TTC17: variants seen among roughly 807,000 people sequenced by gnomAD.
The protein encoded by TTC17 is tetratricopeptide repeat protein 17.
In TTC17, 58 loss-of-function variants were observed where a neutral mutation model predicts 143.8. The ratio of observed to expected loss-of-function variants is 0.40; its 90% CI spans 0.33 to 0.50. The LOEUF (loss-of-function observed/expected upper bound fraction) is 0.50. Ranked by LOEUF, TTC17 falls within the 20% of genes least tolerant of loss-of-function variation. The pLI, the probability that TTC17 is intolerant of heterozygous loss-of-function variation, is 0.49. For missense variants in TTC17, 1,273 were observed against 1,392.5 expected, an observed-to-expected ratio of 0.91 and a Z score of 1.37; for synonymous variants, 501 against 497.8, an observed-to-expected ratio of 1.01 and a Z score of -0.09.
chr11:43,361,677 C>G (rs1423059945), intron 1 of TTC17, among the ~76,000 whole-genome samples: 2 of 152,192 alleles, frequency 1.3e-5, no homozygotes, highest in African/African-American at 4.8e-5. Flanking sequence ...GTTGAACCAT[C>G]GAAAGGTGGG....
intron 2 of TTC17, among the ~76,000 whole-genome samples, chr11:43,381,017 T>C (rs1856947052): frequency 1.3e-5 from 2 of 152,180 alleles, no homozygotes; most frequent in African/African-American, 2.4e-5. Flanking sequence ...TGTTTATTGC[T>C]ATCTTTTTAG....
At position 43,450,071 on chromosome 11, in the gene TTC17, C is replaced by T; in HGVS notation, c.2787-11C>T. The T allele has an allele frequency of 6.2e-7, 1 of 1,611,388 alleles. No homozygotes were observed. Among genetic ancestry groups the T allele is most frequent in the Non-Finnish European group, 8.5e-7 (1 of 1,178,712 alleles). On this transcript the variant is annotated splice_polypyrimidine_tract_variant and intron_variant, in intron 19 of 23. Transcript: ENST00000039989. ...TTTCCCATAGCTAATGTGGTAATCT[C>T]CATTTTTCAGCATCACAGAACACAT...
intron 1 of TTC17, among the ~76,000 whole-genome samples, chr11:43,359,471 C>G (rs1856006831): frequency 6.6e-6 from 1 of 152,186 alleles, no homozygotes; most frequent in South Asian, 2.1e-4. Context: ...CTCGGGTTCA[C>G]GCGTCACCGG....
At chr11:43,456,571 G>T (rs1334362035) in intron 21 of TTC17, among the ~76,000 whole-genome samples, 2 of 152,148 alleles carry the variant, frequency 1.3e-5, no homozygotes, top group Admixed American at 6.5e-5. Context: ...TGTTTTTAAA[G>T]CTATCACAAA....
At chr11:43,391,365 C>T in intron 3 of TTC17, 100 bp from the exon 4 acceptor site, 1 of 797,516 alleles carries the variant, frequency 1.3e-6, no homozygotes, top group South Asian at 1.6e-5. Context: ...TGCCACTGCA[C>T]TCCAGCCTGG....
chr11:43,416,038 A>G (rs1341665334), intron 16 of TTC17, among the ~76,000 whole-genome samples: 7 of 152,160 alleles, frequency 4.6e-5, no homozygotes, highest in African/African-American at 1.7e-4. Flanking sequence ...CATTGTTCTT[A>G]CCATATAGTA....
intron 21 of TTC17, chr11:43,466,535 C>T (rs144209908): frequency 1.4e-5 from 3 of 215,508 alleles, no homozygotes; most frequent in African/African-American, 2.3e-5. Flanking sequence ...GATTTGGTTC[C>T]TGCTTTCACA....
chr11:43,479,830 T>A (rs371404076), intron 21 of TTC17, among the ~76,000 whole-genome samples: 6 of 152,168 alleles, frequency 3.9e-5, no homozygotes, highest in African/African-American at 1.4e-4. Flanking sequence ...GTTTTCAGAA[T>A]TTAGAAGTTT....
At chr11:43,372,174 T>TC (rs1856591781) in intron 1 of TTC17, among the ~76,000 whole-genome samples, 1 of 152,216 alleles carries the variant, frequency 6.6e-6, no homozygotes, top group Non-Finnish European at 1.5e-5. Context: ...TTAAGTTGAT[T>TC]CAACTGTTCT....
chr11:43,384,388 G>T (rs1282548472), intron 2 of TTC17, among the ~76,000 whole-genome samples: 1 of 152,194 alleles, frequency 6.6e-6, no homozygotes, highest in African/African-American at 2.4e-5. Flanking sequence ...AGGCACAGTG[G>T]CTCACGCCTG....
At chr11:43,465,881 C>T (rs1454826979) in intron 21 of TTC17, among the ~76,000 whole-genome samples, 4 of 152,240 alleles carry the variant, frequency 2.6e-5, no homozygotes, top group African/African-American at 9.6e-5. Flanking sequence ...ATATGTATTT[C>T]TTGGATATGA....
intron 5 of TTC17, chr11:43,395,416 A>G (rs1857549094): frequency 6.6e-6 from 1 of 152,142 alleles, no homozygotes; most frequent in African/African-American, 2.4e-5. Flanking sequence ...AGAACTTTTA[A>G]TTGAACTTTT....
intron 21 of TTC17, among the ~76,000 whole-genome samples, chr11:43,472,191 A>G (rs1948104761): frequency 6.6e-6 from 1 of 152,106 alleles, no homozygotes; most frequent in African/African-American, 2.4e-5. Flanking sequence ...TCTCTACTAA[A>G]AAAAGCAAAC....
intron 21 of TTC17, among the ~76,000 whole-genome samples, chr11:43,453,487 G>T (rs1332152914): frequency 6.6e-6 from 1 of 152,136 alleles, no homozygotes; most frequent in Non-Finnish European, 1.5e-5. Context: ...TAAAAAAAGA[G>T]GAGCTATGGA....
chr11:43,404,532 C>A (rs1186083315), intron 11 of TTC17, among the ~76,000 whole-genome samples: 1 of 152,162 alleles, frequency 6.6e-6, no homozygotes, highest in Admixed American at 6.5e-5. Flanking sequence ...AATAGATAAG[C>A]CCCCTTGCTC....
At chr11:43,382,459 C>T (rs371103921) in intron 2 of TTC17, among the ~76,000 whole-genome samples, 3 of 152,068 alleles carry the variant, frequency 2.0e-5, no homozygotes, top group Admixed American at 1.3e-4. Context: ...GTAATTAAAG[C>T]ATGTTAGACT....
intron 1 of TTC17, among the ~76,000 whole-genome samples, chr11:43,364,969 C>A (rs1182004448): frequency 6.6e-6 from 1 of 152,024 alleles, no homozygotes; most frequent in Non-Finnish European, 1.5e-5. Flanking sequence ...CCACGCCCGG[C>A]TAATTTTGTA....
intron 17 of TTC17, 72 bp downstream of exon 17, chr11:43,443,656 G>C: frequency 6.5e-7 from 1 of 1,530,614 alleles, no homozygotes; most frequent in Non-Finnish European, 8.8e-7. Flanking sequence ...TGCAAAGTGG[G>C]AAGTTTCTGT....
At chr11:43,440,084 A>G (rs1451658713) in intron 16 of TTC17, among the ~76,000 whole-genome samples, 1 of 152,250 alleles carries the variant, frequency 6.6e-6, no homozygotes, top group Non-Finnish European at 1.5e-5. Context: ...TGCTTCAAGC[A>G]TAATTTGAAA....
Sources: gnomAD v4.1 joint callset for allele counts (sites outside exome capture counted in the v4.1 genomes callset) on GRCh38, gnomAD v4.1.1 for gene constraint, MANE v1.5 for transcripts, NCBI Gene and HGNC (gene_info 2026-07-23, HGNC 2026-07-21) for gene names.